TET2: variants seen among roughly 807,000 people sequenced by gnomAD.
TET2 encodes the protein tet methylcytosine dioxygenase 2.
In TET2, 299 loss-of-function variants were observed where a neutral mutation model predicts 142.9. That is an observed-to-expected ratio of 2.09 (90% CI 1.90 to 2.30). The LOEUF (loss-of-function observed/expected upper bound fraction) is 2.30. Ranked by LOEUF, TET2 falls within the 30% of genes most tolerant of loss-of-function variation. The pLI, the probability that TET2 is intolerant of heterozygous loss-of-function variation, is 0.00. For missense variants in TET2, 2,418 were observed against 2,378.0 expected, an observed-to-expected ratio of 1.02 and a Z score of -0.35; for synonymous variants, 819 against 849.0, an observed-to-expected ratio of 0.96 and a Z score of 0.61.
At position 105,163,854 on chromosome 4, in the gene TET2, A is replaced by AGTGTGT. The variant is rs111673454; in HGVS notation, c.-193+16904_-193+16909dup. Among the ~76,000 whole-genome samples, 376 of 85,058 alleles carry AGTGTGT rather than the reference A, an allele frequency of 4.4e-3. 2 individuals are homozygous for AGTGTGT. Among genetic ancestry groups the AGTGTGT allele is most frequent in the Middle Eastern group, 6.0e-3 (1 of 166 alleles). 55.8% of individuals were successfully genotyped at this position (85,058 alleles called of 152,430 possible). ...GAGAGAGAGAGAGAGAGAGAGAGAG[A>AGTGTGT]GTGTGTGTGTGTGTGTGTGTGTGTG... On this transcript the variant is annotated intron_variant, in intron 1 of 10. Transcript: ENST00000380013.
intron 8 of TET2, among the ~76,000 whole-genome samples, chr4:105,263,817 C>T (rs1730557808): frequency 6.6e-6 from 1 of 151,678 alleles, no homozygotes; most frequent in South Asian, 2.1e-4. Context: ...GGAAGAGAAG[C>T]CAATGAAGTA....
At chr4:105,230,848 T>G (rs1409114383) in intron 2 of TET2, among the ~76,000 whole-genome samples, 1 of 152,194 alleles carries the variant, frequency 6.6e-6, no homozygotes, top group Non-Finnish European at 1.5e-5. Context: ...TAGATTTTTT[T>G]AAGTTTTCTC....
At chr4:105,209,891 C>T (rs1037287304) in intron 2 of TET2, among the ~76,000 whole-genome samples, 1 of 151,936 alleles carries the variant, frequency 6.6e-6, no homozygotes, top group Admixed American at 6.6e-5. Flanking sequence ...TAGGCTGTTG[C>T]GGTTATCCAG....
At chr4:105,152,093 C>T (rs986028765) in intron 1 of TET2, among the ~76,000 whole-genome samples, 1 of 152,238 alleles carries the variant, frequency 6.6e-6, no homozygotes, top group African/African-American at 2.4e-5. Context: ...GTCTGGCCAA[C>T]ATGGTGAAAC....
rs2110236149 is a variant in TET2 at position 105,236,860 on chromosome 4, G to A, written c.2918G>A (p.Cys973Tyr). The A allele has an allele frequency of 6.2e-7, 1 of 1,614,100 alleles. No individual in the cohort carries two copies. The highest frequency in any genetic ancestry group is 1.3e-5 in the African/African-American group (1 of 75,038). Residue 973 changes from cysteine (C) to tyrosine (Y), a missense_variant, in exon 3 of 11, where the codon TGC (cysteine) becomes TAC (tyrosine). Coordinates refer to ENST00000380013, the MANE Select transcript of TET2 (RefSeq NM_001127208.3). ...QQTQQPQTESCHSQMHRPIKV... is the reference protein window; with the variant it reads ...QQTQQPQTESYHSQMHRPIKV... ...ACACAGCAACCCCAAACTGAGTCTT[G>A]CCATAGTCAGATGCACAGGCCAATT...
In TET2 at chr4:105,275,083, T is replaced by TCCCAGCAGC; in HGVS notation, c.4580_4588dup (p.Gln1527_Gln1529dup). ...ACTTTCAGGACCAGTCATGCAGCAGTCCCAGCAGCCCCAGCCTCTACAGAA... is the reference window on the plus strand; with the variant it reads ...ACTTTCAGGACCAGTCATGCAGCAGTCCCAGCAGCCCCAGCAGCCCCAGCCTCTACAGAA... On this transcript the variant is annotated inframe_insertion, in exon 11 of 11. Coordinates refer to ENST00000380013, the MANE Select transcript of TET2 (RefSeq NM_001127208.3). 6.5e-7 allele frequency: 1 copy of TCCCAGCAGC among 1,548,040 alleles called. No homozygotes were observed. Among genetic ancestry groups the TCCCAGCAGC allele is most frequent in the South Asian group, 1.2e-5 (1 of 83,376 alleles).
rs369415952 is a variant in TET2 at position 105,259,795 on chromosome 4, C to A, written c.3954+26C>A. On this transcript the variant is annotated intron_variant, in intron 7 of 10. Coordinates refer to ENST00000380013, the MANE Select transcript of TET2 (RefSeq NM_001127208.3). Reference sequence around the variant, plus strand: ...GTTTGTTTACTTCCTGATGTATAATCGCTTTATTTTTCATAGAGAATTCAT... The same window carrying A: ...GTTTGTTTACTTCCTGATGTATAATAGCTTTATTTTTCATAGAGAATTCAT... The A allele has an allele frequency of 2.8e-4, 427 of 1,542,336 alleles. 3 individuals are homozygous for A. The African/African-American group carries it at 5.3e-3, about 19-fold the overall frequency.
chr4:105,160,520 G>A (rs983941504), intron 1 of TET2, among the ~76,000 whole-genome samples: 1 of 152,100 alleles, frequency 6.6e-6, no homozygotes, highest in African/African-American at 2.4e-5. Flanking sequence ...CAAAATAGAA[G>A]CCTTCTTGCC....
chr4:105,230,045 A>G (rs1326806201), intron 2 of TET2, among the ~76,000 whole-genome samples: 8 of 151,900 alleles, frequency 5.3e-5, no homozygotes, highest in African/African-American at 1.9e-4. Context: ...TCAGATATAT[A>G]TATATATATT....
At position 105,234,101 on chromosome 4, in the gene TET2, G is replaced by A. The variant is rs1728676612; in HGVS notation, c.159G>A (p.Lys53=). The change falls in exon 3 of 11, where the codon AAG becomes AAA. Residue 53 remains lysine, a synonymous_variant. Coordinates refer to ENST00000380013, the MANE Select transcript of TET2 (RefSeq NM_001127208.3). ...ATCCAGAAGTAAATGGAGACACCAA[G>A]TGGCACTCTTTCAAAAGTTATTATG... ...RAHPEVNGDT[K]WHSFKSYYGI... 1 of 1,613,978 alleles carries A rather than the reference G, an allele frequency of 6.2e-7. No homozygotes were observed. The highest frequency in any genetic ancestry group is 1.3e-5 in the African/African-American group (1 of 74,930).
At chr4:105,194,467 A>G (rs1024401915) in intron 2 of TET2, among the ~76,000 whole-genome samples, 1 of 152,122 alleles carries the variant, frequency 6.6e-6, no homozygotes, top group Non-Finnish European at 1.5e-5. Flanking sequence ...ATTGGCCCAA[A>G]AAACCATCAC....
intron 1 of TET2, among the ~76,000 whole-genome samples, chr4:105,149,244 A>G (rs1477137622): frequency 3.9e-5 from 6 of 152,332 alleles, no homozygotes; most frequent in African/African-American, 1.4e-4. Context: ...CTAATAATAG[A>G]TACAACATTT....
intron 8 of TET2, among the ~76,000 whole-genome samples, chr4:105,266,389 A>G (rs538439442): frequency 1.3e-5 from 2 of 152,288 alleles, no homozygotes; most frequent in East Asian, 3.9e-4. Flanking sequence ...ATAGTCTAGC[A>G]TTCCATCAGA....
intron 1 of TET2, among the ~76,000 whole-genome samples, chr4:105,181,410 A>G (rs1578571564): frequency 6.6e-6 from 1 of 152,218 alleles, no homozygotes; most frequent in Non-Finnish European, 1.5e-5. Flanking sequence ...CCATCTTAGA[A>G]GAGCTGGTGA....
chr4:105,229,451 C>G (rs185812492), intron 2 of TET2, among the ~76,000 whole-genome samples: 11 of 152,286 alleles, frequency 7.2e-5, no homozygotes, highest in African/African-American at 2.6e-4. Context: ...ACTGGGACTA[C>G]AGGCATGCGC....
rs574044345 is a variant in TET2 at position 105,237,764 on chromosome 4, A to T, written c.3409+413A>T. The T allele has an allele frequency of 3.2e-4, 370 of 1,160,788 alleles. 2 individuals are homozygous for T. The African/African-American group carries it at 5.6e-3, about 18-fold the overall frequency. 71.9% of individuals were successfully genotyped at this position (1,160,788 alleles called of 1,614,324 possible). A position where few individuals can be genotyped will look rare whatever the true frequency, so the allele number is the denominator to read the frequency against. On this transcript the variant is annotated intron_variant, in intron 3 of 10. Coordinates refer to ENST00000380013, the MANE Select transcript of TET2 (RefSeq NM_001127208.3). ...ATGTACGAACTTTAAATATTTTTTA[A>T]TTCAAGGTAAAATATATTAGTTTCA... is the stretch of plus-strand genomic sequence containing the variant.
At position 105,275,032 on chromosome 4, in the gene TET2, C is replaced by G. The variant is rs1731129719; in HGVS notation, c.4538-16C>G. 1 of 1,508,134 alleles carries G rather than the reference C, an allele frequency of 6.6e-7. No homozygotes were observed. The highest frequency in any genetic ancestry group is 8.9e-7 in the Non-Finnish European group (1 of 1,128,382). The allele number at this position is 1,508,134 out of a possible 1,614,324, so 93.4% of individuals were successfully genotyped here. A position where few individuals can be genotyped will look rare whatever the true frequency, so the allele number is the denominator to read the frequency against. Reference sequence around the variant, plus strand: ...TCAAAGATACCTGTTTCTGTTCTCTCTTACCCTGTCCACAGAACTTTTGCG... The same window carrying G: ...TCAAAGATACCTGTTTCTGTTCTCTGTTACCCTGTCCACAGAACTTTTGCG... On this transcript the variant is annotated splice_polypyrimidine_tract_variant and intron_variant, in intron 10 of 10. Coordinates refer to ENST00000380013, the MANE Select transcript of TET2 (RefSeq NM_001127208.3).
At chr4:105,183,162 AGCAGTTCAGTCTAAGAG>A (rs1323904182) in intron 1 of TET2, among the ~76,000 whole-genome samples, 1 of 152,176 alleles carries the variant, frequency 6.6e-6, no homozygotes, top group Non-Finnish European at 1.5e-5. Flanking sequence ...GGATGCAATT[AGCAGTTCAGTCTAAGAG>A]AACCATGGTA....
At chr4:105,230,861 AT>A (rs1163715119) in intron 2 of TET2, among the ~76,000 whole-genome samples, 8 of 152,182 alleles carry the variant, frequency 5.3e-5, no homozygotes, top group African/African-American at 9.6e-5. Flanking sequence ...GTTTTCTCAG[AT>A]TGTTTTTAAC....
Sources: gnomAD v4.1 joint callset for allele counts (sites outside exome capture counted in the v4.1 genomes callset) on GRCh38, gnomAD v4.1.1 for gene constraint, MANE v1.5 for transcripts, NCBI Gene and HGNC (gene_info 2026-07-23, HGNC 2026-07-21) for gene names.